HCN1: variants seen among roughly 807,000 people sequenced by gnomAD.
HCN1 encodes hyperpolarization activated cyclic nucleotide gated potassium channel 1.
Under a neutral mutation model 78.9 loss-of-function variants are expected in HCN1, and 13 were observed. That is an observed-to-expected ratio of 0.16 (90% CI 0.11 to 0.26). HCN1 has a LOEUF of 0.26. Ranked by LOEUF, HCN1 falls within the 10% of genes least tolerant of loss-of-function variation. The pLI, the probability that HCN1 is intolerant of heterozygous loss-of-function variation, is 1.00. For synonymous variants in HCN1, 552 were observed against 455.5 expected, an observed-to-expected ratio of 1.21 and a Z score of -2.70; for missense variants, 810 against 1,154.3, an observed-to-expected ratio of 0.70 and a Z score of 4.32.
At chr5:45,404,041 C>G (rs1432144668) in intron 3 of HCN1, among the ~76,000 whole-genome samples, 1 of 152,058 alleles carries the variant, frequency 6.6e-6, no homozygotes, top group Non-Finnish European at 1.5e-5. Flanking sequence ...TTTTTTGCCC[C>G]ACTTCGGGCA....
intron 5 of HCN1, among the ~76,000 whole-genome samples, chr5:45,308,463 G>A (rs1013219269): frequency 2.6e-4 from 39 of 152,022 alleles, no homozygotes; most frequent in Non-Finnish European, 4.9e-4. Flanking sequence ...TTTTCTTTAA[G>A]TTAACTCTTT....
chr5:45,694,390 G>C (rs1321779969), intron 1 of HCN1, among the ~76,000 whole-genome samples: 1 of 152,118 alleles, frequency 6.6e-6, no homozygotes, highest in Non-Finnish European at 1.5e-5. Context: ...CTCAAAGAAG[G>C]CAAAGACCGT....
chr5:45,452,628 G>T (rs181577043), intron 3 of HCN1, among the ~76,000 whole-genome samples: 1 of 151,726 alleles, frequency 6.6e-6, no homozygotes, highest in East Asian at 1.9e-4. Context: ...AATCATAATG[G>T]CCCTATGTCT....
chr5:45,423,887 G>A (rs1028160013), intron 3 of HCN1, among the ~76,000 whole-genome samples: 8 of 152,032 alleles, frequency 5.3e-5, no homozygotes, highest in Admixed American at 3.3e-4. Flanking sequence ...CTCTTTGAGA[G>A]AAAGAACTAT....
chr5:45,396,398 T>A (rs78541490), intron 4 of HCN1, 94 bp downstream of exon 4: 3 of 933,052 alleles, frequency 3.2e-6, no homozygotes, highest in Admixed American at 4.1e-5. Context: ...TTTTTTTTTT[T>A]ATAGAGGAGA....
intron 1 of HCN1, among the ~76,000 whole-genome samples, chr5:45,656,167 T>C (rs943073906): frequency 1.3e-5 from 2 of 152,124 alleles, no homozygotes; most frequent in Non-Finnish European, 2.9e-5. Context: ...AGATAATCAA[T>C]TGGTCACCTT....
chr5:45,565,266 G>A (rs1457687960), intron 2 of HCN1, among the ~76,000 whole-genome samples: 1 of 152,170 alleles, frequency 6.6e-6, no homozygotes, highest in Non-Finnish European at 1.5e-5. Flanking sequence ...ACCAGTGGGA[G>A]CAATGAATGG....
intron 4 of HCN1, among the ~76,000 whole-genome samples, chr5:45,364,315 A>G (rs564030110): frequency 6.6e-6 from 1 of 152,218 alleles, no homozygotes; most frequent in East Asian, 1.9e-4. Context: ...TCCAGCAGAG[A>G]ACAAATCCCT....
chr5:45,436,154 A>T (rs1410816624), intron 3 of HCN1, among the ~76,000 whole-genome samples: 1 of 152,204 alleles, frequency 6.6e-6, no homozygotes, highest in Non-Finnish European at 1.5e-5. Context: ...GCTTCTGTGA[A>T]TGTCACTGGA....
chr5:45,354,835 G>C (rs570149640), intron 4 of HCN1, among the ~76,000 whole-genome samples: 1 of 152,060 alleles, frequency 6.6e-6, no homozygotes, highest in East Asian at 1.9e-4. Context: ...GACACATTGA[G>C]ATCTTCATTT....
chr5:45,476,935 TA>T (rs1391095178), intron 2 of HCN1, among the ~76,000 whole-genome samples: 5 of 152,028 alleles, frequency 3.3e-5, no homozygotes, highest in African/African-American at 1.2e-4. Context: ...ATTGTGGAAT[TA>T]AAAATAATAA....
chr5:45,619,196 C>T (rs1464009270), intron 2 of HCN1, among the ~76,000 whole-genome samples: 2 of 152,010 alleles, frequency 1.3e-5, no homozygotes, highest in African/African-American at 2.4e-5. Context: ...CATACACAGG[C>T]ACTAATCTCG....
intron 2 of HCN1, among the ~76,000 whole-genome samples, chr5:45,493,475 T>C (rs956463622): frequency 5.3e-5 from 8 of 152,162 alleles, no homozygotes; most frequent in African/African-American, 1.9e-4. Flanking sequence ...AATATCTATG[T>C]TTTGTGAAAA....
chr5:45,557,445 C>T (rs1743493690), intron 2 of HCN1, among the ~76,000 whole-genome samples: 1 of 152,078 alleles, frequency 6.6e-6, no homozygotes. Flanking sequence ...TCACATATTT[C>T]TTCCAAATTG....
At chr5:45,411,940 C>T (rs777767440) in intron 3 of HCN1, among the ~76,000 whole-genome samples, 1 of 152,054 alleles carries the variant, frequency 6.6e-6, no homozygotes, top group Non-Finnish European at 1.5e-5. Flanking sequence ...TTTAATCAAG[C>T]AGAATGCCAA....
At chr5:45,303,468 AC>A (rs1447496535) in intron 6 of HCN1, 130 bp downstream of exon 6, 30 of 850,974 alleles carry the variant, frequency 3.5e-5, no homozygotes, top group Non-Finnish European at 5.4e-5. Flanking sequence ...TGTTATAGAC[AC>A]TTTTATCAGA....
intron 7 of HCN1, among the ~76,000 whole-genome samples, chr5:45,264,328 T>G (rs1254543124): frequency 6.6e-6 from 1 of 152,196 alleles, no homozygotes; most frequent in African/African-American, 2.4e-5. Context: ...GGCATAATAA[T>G]TATTAGAATG....
At position 45,269,302 on chromosome 5, in the gene HCN1, C is replaced by T. The variant is rs558571505; in HGVS notation, c.1619-2049G>A. Among the ~76,000 whole-genome samples, 312 of 152,224 alleles carry T rather than the reference C, an allele frequency of 2.0e-3. 3 individuals carry two copies. The highest frequency in any genetic ancestry group is 7.1e-3 in the African/African-American group (293 of 41,558). On this transcript the variant is annotated intron_variant, in intron 6 of 7. Coordinates refer to ENST00000303230, the MANE Select transcript of HCN1 (RefSeq NM_021072.4). ...TTTAATGAATTATATGTGTAAAATA[C>T]GTTGCATTAAAGCTATACAAAGTGA...
At chr5:45,494,026 G>C (rs1741962550) in intron 2 of HCN1, among the ~76,000 whole-genome samples, 1 of 152,118 alleles carries the variant, frequency 6.6e-6, no homozygotes. Context: ...TTGGTTCCAA[G>C]TCTTTGCTAT....
Sources: allele counts gnomAD v4.1 joint callset (sites outside exome capture counted in the v4.1 genomes callset), GRCh38; gene constraint gnomAD v4.1.1; transcripts MANE v1.5; gene names NCBI Gene and HGNC (gene_info 2026-07-23, HGNC 2026-07-21).